CDH13: variants seen among roughly 807,000 people sequenced by gnomAD.
CDH13 encodes cadherin-13.
In CDH13, 24 loss-of-function variants were observed where a neutral mutation model predicts 63.8. The observed-to-expected ratio is 0.38, with a 90% CI of 0.27 to 0.53. The LOEUF (loss-of-function observed/expected upper bound fraction) is 0.53. CDH13 is among the 20% of genes least tolerant of loss of function. The pLI, the probability that CDH13 is intolerant of heterozygous loss-of-function variation, is 0.85. For synonymous variants in CDH13, 503 were observed against 355.3 expected (o/e 1.42, Z -4.67); for missense variants, 1,049 against 903.1 (o/e 1.16, Z -2.07).
At chr16:83,159,586 G>A (rs2037358474) in intron 4 of CDH13, among the ~76,000 whole-genome samples, 1 of 152,092 alleles carries the variant, frequency 6.6e-6, no homozygotes, top group African/African-American at 2.4e-5. Context: ...TGTTAACATA[G>A]GCACATAAAA....
chr16:83,012,790 AT>A, intron 2 of CDH13, among the ~76,000 whole-genome samples: 1 of 152,190 alleles, frequency 6.6e-6, no homozygotes. Context: ...GCTTGTCCAT[AT>A]ATTTAAAGAC....
chr16:83,649,007 A>T (rs926808750), intron 8 of CDH13, among the ~76,000 whole-genome samples: 1 of 152,234 alleles, frequency 6.6e-6, no homozygotes, highest in Non-Finnish European at 1.5e-5. Context: ...GTGGCAAGAC[A>T]TCTTATCACT....
chr16:83,345,457 G>T (rs2151365711), intron 6 of CDH13, among the ~76,000 whole-genome samples: 1 of 152,290 alleles, frequency 6.6e-6, no homozygotes, highest in East Asian at 1.9e-4. Flanking sequence ...TCCCTTAGAA[G>T]ATGTGCATGA....
intron 5 of CDH13, among the ~76,000 whole-genome samples, chr16:83,332,162 AT>A (rs560325923): frequency 6.6e-6 from 1 of 152,064 alleles, no homozygotes; most frequent in South Asian, 2.1e-4. Flanking sequence ...TGTGATGCAA[AT>A]TTTTTTACAG....
intron 10 of CDH13, among the ~76,000 whole-genome samples, chr16:83,690,831 C>G (rs1156322146): frequency 1.3e-5 from 2 of 152,122 alleles, no homozygotes; most frequent in Non-Finnish European, 2.9e-5. Flanking sequence ...CAGTGATTCT[C>G]GTGACTCAGC....
chr16:83,538,233 T>G (rs1195888443), intron 7 of CDH13, among the ~76,000 whole-genome samples: 1 of 152,240 alleles, frequency 6.6e-6, no homozygotes, highest in Non-Finnish European at 1.5e-5. Context: ...TTGCTTGGAT[T>G]GTGCACAAAT....
chr16:83,410,202 A>G (rs575768694), intron 6 of CDH13, among the ~76,000 whole-genome samples: 14 of 152,180 alleles, frequency 9.2e-5, no homozygotes, highest in Non-Finnish European at 1.8e-4. Context: ...GGAATTCAGC[A>G]TCTGTGTCTT....
intron 3 of CDH13, among the ~76,000 whole-genome samples, chr16:83,103,402 C>G (rs7196732): frequency 6.6e-6 from 1 of 151,540 alleles, no homozygotes; most frequent in Non-Finnish European, 1.5e-5. Context: ...CGTGCCACCA[C>G]GCCCGGCTGA....
chr16:82,879,063 T>C (rs2040601965), intron 2 of CDH13, among the ~76,000 whole-genome samples: 1 of 152,078 alleles, frequency 6.6e-6, no homozygotes, highest in Non-Finnish European at 1.5e-5. Flanking sequence ...TATGGTCAGC[T>C]CCCACCAGCT....
intron 6 of CDH13, among the ~76,000 whole-genome samples, chr16:83,431,961 A>G (rs1473508514): frequency 6.6e-6 from 1 of 152,160 alleles, no homozygotes; most frequent in Non-Finnish European, 1.5e-5. Flanking sequence ...AGCAGAGGAA[A>G]GAGGGATTCA....
At chr16:82,629,838 G>A (rs1435664907) in intron 1 of CDH13, among the ~76,000 whole-genome samples, 3 of 152,216 alleles carry the variant, frequency 2.0e-5, no homozygotes, top group African/African-American at 2.4e-5. Context: ...CCTATGATAA[G>A]TAATGACTGT....
chr16:83,349,543 G>A (rs1049815322), intron 6 of CDH13, among the ~76,000 whole-genome samples: 5 of 151,868 alleles, frequency 3.3e-5, no homozygotes, highest in African/African-American at 1.2e-4. Flanking sequence ...TACCAGGTAA[G>A]GTGAGGTACA....
intron 1 of CDH13, among the ~76,000 whole-genome samples, chr16:82,761,477 C>T (rs556698009): frequency 8.0e-4 from 122 of 152,320 alleles, no homozygotes; most frequent in Non-Finnish European, 1.4e-3. Context: ...GCTGTCTAAA[C>T]TTAGCTTTCA....
At chr16:83,724,447 G>C (rs1910132770) in intron 10 of CDH13, among the ~76,000 whole-genome samples, 2 of 151,062 alleles carry the variant, frequency 1.3e-5, no homozygotes, top group African/African-American at 4.9e-5. Context: ...GGTGGATGAT[G>C]AATGCATGGG....
chr16:83,256,670 A>T (rs1171253315), intron 5 of CDH13, among the ~76,000 whole-genome samples: 1 of 58,846 alleles, frequency 1.7e-5, no homozygotes, highest in East Asian at 7.5e-4. Flanking sequence ...TCTCTACTAA[A>T]ATACAAAAAA....
At chr16:83,448,824 C>A (rs2072790747) in intron 6 of CDH13, among the ~76,000 whole-genome samples, 1 of 152,066 alleles carries the variant, frequency 6.6e-6, no homozygotes, top group Non-Finnish European at 1.5e-5. Flanking sequence ...TGGTTCCACA[C>A]CTCTGAGACA....
chr16:83,753,392 A>T (rs1204644058), intron 11 of CDH13, among the ~76,000 whole-genome samples: 1 of 152,134 alleles, frequency 6.6e-6, no homozygotes, highest in Non-Finnish European at 1.5e-5. Context: ...AAGAATACAA[A>T]AATTAGTCAT....
At chr16:83,756,090 C>A (rs1055385390) in intron 11 of CDH13, among the ~76,000 whole-genome samples, 1 of 151,914 alleles carries the variant, frequency 6.6e-6, no homozygotes, top group Non-Finnish European at 1.5e-5. Context: ...ATTGTATAAC[C>A]CTTAGGGTAA....
At chr16:83,068,330 G>C (rs1352834105) in intron 3 of CDH13, among the ~76,000 whole-genome samples, 1 of 152,084 alleles carries the variant, frequency 6.6e-6, no homozygotes, top group Non-Finnish European at 1.5e-5. Flanking sequence ...GAATAACTGA[G>C]GCTTATGGAG....
Sources: allele counts gnomAD v4.1 joint callset (sites outside exome capture counted in the v4.1 genomes callset), GRCh38; gene constraint gnomAD v4.1.1; transcripts MANE v1.5; gene names NCBI Gene and HGNC (gene_info 2026-07-23, HGNC 2026-07-21).